WWOX: variants seen among roughly 807,000 people sequenced by gnomAD.
WWOX encodes the protein WW domain containing oxidoreductase, also known as WW domain-containing oxidoreductase.
WWOX carries 69 observed loss-of-function variants against 46.2 expected under a neutral mutation model. That is an observed-to-expected ratio of 1.49 (90% CI 1.23 to 1.82). The LOEUF (loss-of-function observed/expected upper bound fraction) is 1.82, where lower values mean the gene tolerates loss of function less well. Among genes scored for constraint, WWOX ranks in the 40% most tolerant of loss-of-function variants. WWOX has a pLI of 0.00. For synonymous variants in WWOX, 359 were observed against 202.6 expected (o/e 1.77, Z -6.56); for missense variants, 919 against 542.6 (o/e 1.69, Z -6.89).
At chr16:78,723,798 C>T (rs537753963) in intron 8 of WWOX, among the ~76,000 whole-genome samples, 3 of 151,956 alleles carry the variant, frequency 2.0e-5, no homozygotes, top group South Asian at 2.1e-4. Context: ...TTCTTGTTCT[C>T]GTATCACTCA....
intron 5 of WWOX, among the ~76,000 whole-genome samples, chr16:78,364,596 T>G (rs1265124609): frequency 6.6e-6 from 1 of 151,996 alleles, no homozygotes. Flanking sequence ...GGTTACAGTA[T>G]AATAAAAATA....
At chr16:79,001,382 AG>A (rs2047089527) in intron 8 of WWOX, among the ~76,000 whole-genome samples, 1 of 151,870 alleles carries the variant, frequency 6.6e-6, no homozygotes, top group Non-Finnish European at 1.5e-5. Flanking sequence ...CTTCTGGTGG[AG>A]CGAAGGATTT....
intron 8 of WWOX, among the ~76,000 whole-genome samples, chr16:78,546,142 A>T (rs529078314): frequency 2.6e-5 from 4 of 152,318 alleles, no homozygotes; most frequent in African/African-American, 4.8e-5. Flanking sequence ...AGAAATTTAC[A>T]TAATTAATCA....
chr16:78,626,529 GT>G (rs1402593576), intron 8 of WWOX, among the ~76,000 whole-genome samples: 7 of 152,084 alleles, frequency 4.6e-5, no homozygotes, highest in Admixed American at 2.6e-4. Flanking sequence ...TCATCACATC[GT>G]ATCAAGCATT....
At chr16:78,499,992 A>C (rs1463313415) in intron 8 of WWOX, among the ~76,000 whole-genome samples, 2 of 152,216 alleles carry the variant, frequency 1.3e-5, no homozygotes, top group Non-Finnish European at 2.9e-5. Flanking sequence ...CTTTAAAGAA[A>C]GCAGTAGAGG....
intron 5 of WWOX, among the ~76,000 whole-genome samples, chr16:78,348,122 T>C (rs1397536273): frequency 8.2e-6 from 1 of 122,402 alleles, no homozygotes; most frequent in Non-Finnish European, 2.0e-5. Context: ...CTCCCTGCAA[T>C]GGGAACAGAG....
intron 8 of WWOX, chr16:78,994,377 T>C (rs901599118): frequency 2.0e-5 from 3 of 152,204 alleles, no homozygotes; most frequent in African/African-American, 7.2e-5. Flanking sequence ...AAGAAGGAGA[T>C]AGGACGACAC....
At chr16:78,664,827 A>C (rs1040263943) in intron 8 of WWOX, among the ~76,000 whole-genome samples, 3 of 152,208 alleles carry the variant, frequency 2.0e-5, no homozygotes, top group Non-Finnish European at 4.4e-5. Context: ...AAAAATTTGC[A>C]GGCAACAAGA....
At chr16:78,938,483 A>G (rs556515266) in intron 8 of WWOX, among the ~76,000 whole-genome samples, 64 of 150,462 alleles carry the variant, frequency 4.3e-4, no homozygotes, top group Middle Eastern at 3.4e-3. Context: ...TGAGTTTTCT[A>G]TCTCCTGCTG....
At chr16:78,583,727 A>G (rs1410456911) in intron 8 of WWOX, among the ~76,000 whole-genome samples, 2 of 152,188 alleles carry the variant, frequency 1.3e-5, no homozygotes, top group Non-Finnish European at 1.5e-5. Flanking sequence ...GGAGTTGGTA[A>G]TCTAGAGGGT....
chr16:78,890,534 T>C (rs931919521), intron 8 of WWOX: 1 of 152,260 alleles, frequency 6.6e-6, no homozygotes, highest in African/African-American at 2.4e-5. Flanking sequence ...ATGGTGCTGA[T>C]GTCTTCACTT....
At chr16:78,677,760 G>C (rs1371239173) in intron 8 of WWOX, among the ~76,000 whole-genome samples, 1 of 152,180 alleles carries the variant, frequency 6.6e-6, no homozygotes. Flanking sequence ...GAAAACACTA[G>C]CTGGTATTAA....
intron 8 of WWOX, among the ~76,000 whole-genome samples, chr16:78,628,270 G>T (rs1386738986): frequency 6.6e-6 from 1 of 152,158 alleles, no homozygotes; most frequent in Non-Finnish European, 1.5e-5. Flanking sequence ...ACATTGAGTG[G>T]TGCTAATGTT....
chr16:78,828,176 C>T (rs1052397497), intron 8 of WWOX, among the ~76,000 whole-genome samples: 8 of 152,120 alleles, frequency 5.3e-5, no homozygotes, highest in East Asian at 3.9e-4. Flanking sequence ...CTAATCTGTA[C>T]GCCCCACAGG....
chr16:78,503,573 GTCTT>G (rs2151478022), intron 8 of WWOX: 1 of 151,986 alleles, frequency 6.6e-6, no homozygotes, highest in East Asian at 1.9e-4. Context: ...CATGATCTTT[GTCTT>G]TGCATTTTTA....
intron 8 of WWOX, among the ~76,000 whole-genome samples, chr16:78,511,613 C>G (rs1051461467): frequency 1.3e-5 from 2 of 152,164 alleles, no homozygotes; most frequent in African/African-American, 4.8e-5. Flanking sequence ...TCGTTGAGTA[C>G]TGCATTCAGA....
At chr16:78,195,895 C>T (rs926986811) in intron 5 of WWOX, among the ~76,000 whole-genome samples, 1 of 151,002 alleles carries the variant, frequency 6.6e-6, no homozygotes, top group Admixed American at 6.6e-5. Context: ...AGATTGAATT[C>T]CGTTCCAACT....
intron 8 of WWOX, among the ~76,000 whole-genome samples, chr16:78,869,790 A>G (rs1257112334): frequency 6.6e-6 from 1 of 152,220 alleles, no homozygotes; most frequent in Non-Finnish European, 1.5e-5. Flanking sequence ...AGCAGAGCCA[A>G]AAGCCAGCAG....
At chr16:79,121,112 C>A (rs756708517) in intron 8 of WWOX, among the ~76,000 whole-genome samples, 42 of 152,100 alleles carry the variant, frequency 2.8e-4, no homozygotes, top group Admixed American at 5.2e-4. Flanking sequence ...AAATGTAGGA[C>A]CCACTTGGAA....
Sources: allele counts gnomAD v4.1 joint callset (sites outside exome capture counted in the v4.1 genomes callset), GRCh38; gene constraint gnomAD v4.1.1; transcripts MANE v1.5; gene names NCBI Gene and HGNC (gene_info 2026-07-23, HGNC 2026-07-21).